The following DOCK6 variants were observed in gnomAD, a reference collection of about 807,000 sequenced individuals.
DOCK6 encodes dedicator of cytokinesis 6.
A neutral mutation model predicts 230.3 loss-of-function variants in DOCK6; 167 were observed. The observed-to-expected ratio is 0.73, with a 90% CI of 0.64 to 0.82. The LOEUF (loss-of-function observed/expected upper bound fraction) is 0.82, where lower values mean the gene tolerates loss of function less well. Among genes scored for constraint, DOCK6 ranks in the 40% least tolerant of loss-of-function variants. DOCK6 has a pLI of 0.00. For missense variants in DOCK6, 2,598 were observed against 2,825.8 expected, an observed-to-expected ratio of 0.92 and a Z score of 1.83; for synonymous variants, 1,148 against 1,185.0, an observed-to-expected ratio of 0.97 and a Z score of 0.64.
intron 33 of DOCK6, 31 bp from the exon 34 acceptor site, chr19:11,214,440 T>TTAGA (rs774562750): frequency 6.2e-7 from 1 of 1,613,514 alleles, no homozygotes; most frequent in East Asian, 2.2e-5. Context: ...AATCCAGGTG[T>TTAGA]TAGAGCCTAG....
intron 24 of DOCK6, among the ~76,000 whole-genome samples, chr19:11,224,200 T>C (rs2079626548): frequency 6.9e-6 from 1 of 145,568 alleles, no homozygotes; most frequent in African/African-American, 2.5e-5. Context: ...TTTTCTTTCT[T>C]TCTTTCTTTC....
At position 11,209,101 on chromosome 19, in the gene DOCK6, A is replaced by C. The variant is rs2079317643; in HGVS notation, c.4754T>G (p.Ile1585Ser). The change falls in exon 38 of 48, where the codon ATT becomes AGT. Residue 1585 changes from isoleucine to serine, a missense_variant and splice_region_variant. Transcript: ENST00000294618. The part of the protein sequence containing the change: ...PEMLIDLMYR[I>S]ARGYQGSPDL... ...CGGTGAGCCCTGGTAGCCCCGGGCA[A>C]TTCTGGAGTCCAGGTGAGGGGGGAT... 1.9e-6 allele frequency: 3 copies of C among 1,611,110 alleles called. No homozygotes were observed. The highest frequency in any genetic ancestry group is 2.5e-6 in the Non-Finnish European group (3 of 1,179,128).
Position 11,252,524 on chromosome 19 carries a change from G to A in DOCK6, c.335C>T (p.Ala112Val), listed in dbSNP as rs568356388. Residue 112 changes from alanine to valine, a missense_variant, in exon 4 of 48, where the codon GCG (alanine) becomes GTG (valine). Physicochemically the swap from Ala to Val is moderately conservative, Grantham distance 64. Transcript: ENST00000294618. Reference protein sequence around the residue: ...DEKLDAQVRAAVEMYIEDWVI... With the variant: ...DEKLDAQVRAVVEMYIEDWVI... ...CCAGTCCTCAATATACATCTCCACC[G>A]CGGCCCTCACCTGGGCATCCAGTTT... 3.0e-5 allele frequency: 49 copies of A among 1,613,794 alleles called. No homozygotes were observed. The Admixed American group carries it at 3.3e-4, about 11-fold the overall frequency.
intron 6 of DOCK6, among the ~76,000 whole-genome samples, chr19:11,248,964 G>C (rs1168131935): frequency 6.6e-6 from 1 of 152,084 alleles, no homozygotes; most frequent in Non-Finnish European, 1.5e-5. Flanking sequence ...ACCCAATAAC[G>C]CACCCAGTAA....
Position 11,200,220 on chromosome 19 carries a change from G to T in DOCK6, c.6101+88C>A. On this transcript the variant is annotated intron_variant, in intron 47 of 47. Coordinates refer to ENST00000294618, the MANE Select transcript of DOCK6 (RefSeq NM_020812.4). The surrounding 1 kb of genome is among the most constrained non-coding windows in gnomAD (Gnocchi z 4.3). ...TACCAGCAAACATGTTGCTGTGTAT[G>T]TGTACAACAGCCCCCATCCTGTACC... 3.7e-6 allele frequency: 5 copies of T among 1,333,432 alleles called. No homozygotes were observed. The highest frequency in any genetic ancestry group is 5.1e-6 in the Non-Finnish European group (5 of 985,000). The allele number at this position is 1,333,432 out of a possible 1,614,324, so 82.6% of individuals were successfully genotyped here. A position where few individuals can be genotyped will look rare whatever the true frequency, so the allele number is the denominator to read the frequency against.
chr19:11,217,757 C>CA (rs764367133), intron 28 of DOCK6, among the ~76,000 whole-genome samples: 490 of 89,452 alleles, frequency 5.5e-3, no homozygotes, highest in Middle Eastern at 0.016. Context: ...CACTCTGTCT[C>CA]AAAAAAAAAA....
intron 47 of DOCK6, 77 bp from the exon 48 acceptor site, chr19:11,199,616 C>T (rs1162731263): frequency 2.9e-6 from 4 of 1,358,760 alleles, no homozygotes; most frequent in East Asian, 2.5e-5. Flanking sequence ...ACATCCTCTT[C>T]CTCCTCCTCC....
At chr19:11,244,378 C>G (rs980545625) in intron 9 of DOCK6, among the ~76,000 whole-genome samples, 4 of 149,508 alleles carry the variant, frequency 2.7e-5, no homozygotes, top group Non-Finnish European at 5.9e-5. Context: ...ACCTCTGCCT[C>G]CTGAGTTTAA....
intron 32 of DOCK6, among the ~76,000 whole-genome samples, 153 bp downstream of exon 32, chr19:11,215,234 C>T (rs1040023258): frequency 3.3e-5 from 5 of 152,078 alleles, no homozygotes; most frequent in Non-Finnish European, 5.9e-5. Flanking sequence ...TGAGCCACTG[C>T]GCCCGGCCCA....
chr19:11,257,362 T>C lies in DOCK6; in HGVS notation c.45-3636A>G, dbSNP rs866539092. On this transcript the variant is annotated intron_variant, in intron 1 of 47. Coordinates refer to ENST00000294618, the MANE Select transcript of DOCK6 (RefSeq NM_020812.4). The stretch of plus-strand genomic sequence containing the variant: ...ACCATGAGTGTCAGGCATGGTGGCT[T>C]GCACCTGTAATCCCAGTGCTTTGGG... 1.4e-4 allele frequency among the ~76,000 whole-genome samples: 21 copies of C among 146,394 alleles called. No homozygotes were observed. In the South Asian group the frequency reaches 4.4e-3, roughly 31 times the overall value.
chr19:11,229,354 G>A, intron 22 of DOCK6: 3 of 1,130,810 alleles, frequency 2.7e-6, no homozygotes, highest in African/African-American at 3.2e-5. Flanking sequence ...GAACCCTCGA[G>A]GTAGGAGGAG....
intron 21 of DOCK6, among the ~76,000 whole-genome samples, chr19:11,234,675 A>G (rs2079819752): frequency 6.6e-6 from 1 of 152,132 alleles, no homozygotes; most frequent in South Asian, 2.1e-4. Flanking sequence ...CACTTGCCCA[A>G]GGTCACAGAG....
intron 20 of DOCK6, 174 bp from the exon 21 acceptor site, chr19:11,235,933 TCCAGTGGCATGATCTC>T (rs1387291950): frequency 8.5e-6 from 7 of 827,436 alleles, no homozygotes; most frequent in Middle Eastern, 3.9e-4. Context: ...CGGGCTGGAG[TCCAGTGGCATGATCTC>T]GGCTCACTGT....
In DOCK6 at chr19:11,253,679, C is replaced by A. The variant is rs916722015; in HGVS notation, c.92G>T (p.Gly31Val). The A allele has an allele frequency of 1.4e-6, 2 of 1,466,624 alleles. No homozygotes were observed. The highest frequency in any genetic ancestry group is 1.5e-5 in the African/African-American group (1 of 67,030). The allele number at this position is 1,466,624 out of a possible 1,614,324, so 90.9% of individuals were successfully genotyped here. Residue 31 changes from glycine (G) to valine (V), a missense_variant, in exon 2 of 48, where the codon GGC becomes GTC. Physicochemically the swap from Gly to Val is moderately radical, Grantham distance 109. Coordinates refer to ENST00000294618, the MANE Select transcript of DOCK6 (RefSeq NM_020812.4). ...GCAGCGCCTGCTGGAGTGGGGGGAG[C>A]CACTGCGTTCCCGGGACACCTGCTT... ...VRKQVSRERS[G>V]SPHSSRRCSS... is the part of the protein sequence containing the mutation.
At chr19:11,210,702 C>T (rs2079368211) in intron 37 of DOCK6, among the ~76,000 whole-genome samples, 1 of 150,142 alleles carries the variant, frequency 6.7e-6, no homozygotes, top group African/African-American at 2.5e-5. Flanking sequence ...ACCTATCTAC[C>T]CCTCACCTGT....
chr19:11,252,387 G>A, intron 4 of DOCK6, 95 bp downstream of exon 4: 2 of 1,584,992 alleles, frequency 1.3e-6, no homozygotes, highest in Non-Finnish European at 1.7e-6. Flanking sequence ...GCTCTTGCAG[G>A]GACAATGGGC....
At chr19:11,239,895 T>G in intron 14 of DOCK6, 1 of 1,593,590 alleles carries the variant, frequency 6.3e-7, no homozygotes, top group Non-Finnish European at 8.5e-7. Flanking sequence ...GGGGCCGGGA[T>G]GCAGCCCAGG....
intron 28 of DOCK6, among the ~76,000 whole-genome samples, chr19:11,219,174 G>T (rs888442577): frequency 4.6e-3 from 359 of 77,304 alleles, no homozygotes; most frequent in Non-Finnish European, 6.9e-3. Flanking sequence ...ACTGCGCCCG[G>T]TTTTTTTTTT....
In DOCK6 at chr19:11,222,362, AAAGACTGATGTT is replaced by A. The variant is rs144755556; in HGVS notation, c.3241-126_3241-115del. 1,779 of 1,400,650 alleles carry A rather than the reference AAAGACTGATGTT, an allele frequency of 1.3e-3. 39 individuals carry two copies. In the East Asian group the frequency reaches 0.034, roughly 27 times the overall value. The allele number at this position is 1,400,650 out of a possible 1,614,324, so 86.8% of individuals were successfully genotyped here. ...ATCATGGTGCCAATAGCCACAGATG[AAAGACTGATGTT>A]AAGTCATCTGGAGGTGACAGTGGGC... On this transcript the variant is annotated intron_variant, in intron 26 of 47. Coordinates refer to ENST00000294618, the MANE Select transcript of DOCK6 (RefSeq NM_020812.4). The surrounding 1 kb of genome is among the most constrained non-coding windows in gnomAD (Gnocchi z 4.0).
Sources: allele counts gnomAD v4.1 joint callset (sites outside exome capture counted in the v4.1 genomes callset), GRCh38; gene constraint gnomAD v4.1.1; non-coding constraint Gnocchi (gnomAD v3.1); transcripts MANE v1.5; gene names NCBI Gene and HGNC (gene_info 2026-07-23, HGNC 2026-07-21).